Variants in SEC22A observed in about 807,000 individuals in gnomAD.
SEC22A encodes SEC22 homolog A, vesicle trafficking protein.
In SEC22A, 22 loss-of-function variants were observed where a neutral mutation model predicts 35.3. The ratio of observed to expected loss-of-function variants is 0.62; its 90% CI spans 0.45 to 0.89. The LOEUF is 0.89. SEC22A is among the 40% of genes least tolerant of loss of function. The pLI, the probability that SEC22A is intolerant of heterozygous loss-of-function variation, is 0.00. For synonymous variants in SEC22A, 119 were observed against 129.5 expected (o/e 0.92, Z 0.55); for missense variants, 354 against 362.5 (o/e 0.98, Z 0.19).
intron 4 of SEC22A, among the ~76,000 whole-genome samples, chr3:123,236,626 T>A (rs957473919): frequency 6.6e-6 from 1 of 152,180 alleles, no homozygotes; most frequent in African/African-American, 2.4e-5. Flanking sequence ...GTGAGGTGAT[T>A]CCACTGTGCT....
At chr3:123,235,119 G>A (rs577619984) in intron 4 of SEC22A, among the ~76,000 whole-genome samples, 5 of 151,920 alleles carry the variant, frequency 3.3e-5, no homozygotes, top group East Asian at 1.9e-4. Flanking sequence ...TCTCGCACTC[G>A]TCGGCTCAAA....
chr3:123,263,119 A>G (rs950521802), intron 6 of SEC22A, among the ~76,000 whole-genome samples: 9 of 152,230 alleles, frequency 5.9e-5, no homozygotes, highest in Non-Finnish European at 1.3e-4. Flanking sequence ...CTCCATTTCT[A>G]TAATTTTCTC....
intron 5 of SEC22A, among the ~76,000 whole-genome samples, chr3:123,248,209 T>C (rs1305931152): frequency 6.6e-6 from 1 of 152,108 alleles, no homozygotes; most frequent in Non-Finnish European, 1.5e-5. Flanking sequence ...TTCTAATTGA[T>C]GCAATAAGAT....
At chr3:123,218,396 AG>A in intron 2 of SEC22A, among the ~76,000 whole-genome samples, 1 of 152,264 alleles carries the variant, frequency 6.6e-6, no homozygotes, top group Non-Finnish European at 1.5e-5. Flanking sequence ...AGAGCAAAGT[AG>A]GAAAAAACCT....
chr3:123,233,654 CA>C (rs34046685), intron 4 of SEC22A, among the ~76,000 whole-genome samples: 1 of 149,732 alleles, frequency 6.7e-6, no homozygotes, highest in Non-Finnish European at 1.5e-5. Flanking sequence ...AACAAACAAA[CA>C]AAAAAAAACA....
At position 123,271,726 on chromosome 3, in the gene SEC22A, C is replaced by T. The variant is rs1938168709; in HGVS notation, c.*4C>T. ...GGCTCCCGATTATGATGTCTGACAC[C>T]ATCCTTCAGATCTATTGCCTTGGCT... On this transcript the variant is annotated 3_prime_UTR_variant, in exon 7 of 7. Coordinates refer to ENST00000492595, the MANE Select transcript of SEC22A (RefSeq NM_012430.5). 3.1e-6 allele frequency: 5 copies of T among 1,612,734 alleles called. No individual in the cohort carries two copies. Among genetic ancestry groups the T allele is most frequent in the Non-Finnish European group, 3.4e-6 (4 of 1,178,810 alleles).
At chr3:123,250,087 C>T (rs1034573914) in intron 5 of SEC22A, among the ~76,000 whole-genome samples, 7 of 152,014 alleles carry the variant, frequency 4.6e-5, no homozygotes, top group Non-Finnish European at 7.4e-5. Context: ...TTTAAAAATC[C>T]ATCATTAAAA....
At chr3:123,228,708 A>G (rs1449426398) in intron 4 of SEC22A, among the ~76,000 whole-genome samples, 2 of 152,114 alleles carry the variant, frequency 1.3e-5, no homozygotes, top group African/African-American at 2.4e-5. Context: ...AGAGGCTTCA[A>G]AGTAGTCATT....
rs1323037867 is a variant in SEC22A, at chr3:123,203,722, G to A, written c.-20+1736G>A. Among the ~76,000 whole-genome samples the A allele has an allele frequency of 1.3e-5, 2 of 152,208 alleles. 1 individual carries two copies. Among genetic ancestry groups the A allele is most frequent in the South Asian group, 4.2e-4 (2 of 4,816 alleles). On this transcript the variant is annotated intron_variant, in intron 1 of 6. Coordinates refer to ENST00000492595, the MANE Select transcript of SEC22A (RefSeq NM_012430.5). The stretch of plus-strand genomic sequence containing the variant: ...TGTAGAGATACTAGAAACTTAGACC[G>A]AAGTACCAGTTCTGCTATATACTAG...
intron 5 of SEC22A, among the ~76,000 whole-genome samples, chr3:123,258,085 T>C (rs1459413395): frequency 6.6e-6 from 1 of 151,762 alleles, no homozygotes; most frequent in African/African-American, 2.4e-5. Context: ...TAGTATCCAA[T>C]TGTAGGACAA....
At chr3:123,232,125 A>C (rs1056624756) in intron 4 of SEC22A, among the ~76,000 whole-genome samples, 1 of 152,136 alleles carries the variant, frequency 6.6e-6, no homozygotes, top group Admixed American at 6.6e-5. Flanking sequence ...CTGTAATCCG[A>C]GCTGCTCAGG....
intron 4 of SEC22A, among the ~76,000 whole-genome samples, chr3:123,236,570 A>G (rs557961201): frequency 6.6e-6 from 1 of 152,262 alleles, no homozygotes; most frequent in Admixed American, 6.5e-5. Context: ...CACCCTAGGA[A>G]TATGGGTGAA....
intron 5 of SEC22A, among the ~76,000 whole-genome samples, chr3:123,254,207 A>G (rs996561932): frequency 6.6e-6 from 1 of 151,914 alleles, no homozygotes; most frequent in Non-Finnish European, 1.5e-5. Flanking sequence ...TTTCTTAAAG[A>G]GACAGGGTCT....
At chr3:123,206,609 AAG>A (rs1380747962) in intron 1 of SEC22A, among the ~76,000 whole-genome samples, 3 of 152,182 alleles carry the variant, frequency 2.0e-5, no homozygotes, top group African/African-American at 7.2e-5. Flanking sequence ...AAAAAAATTA[AAG>A]AGGGGTTTAT....
intron 6 of SEC22A, among the ~76,000 whole-genome samples, chr3:123,264,697 C>T (rs1456466106): frequency 1.3e-5 from 2 of 150,378 alleles, no homozygotes; most frequent in South Asian, 2.1e-4. Flanking sequence ...GTCATGATCT[C>T]GGCTCACTGC....
At chr3:123,234,606 TAATTAA>T (rs1314240762) in intron 4 of SEC22A, among the ~76,000 whole-genome samples, 4 of 150,726 alleles carry the variant, frequency 2.7e-5, no homozygotes, top group Non-Finnish European at 5.9e-5. Flanking sequence ...ATATATAAAT[TAATTAA>T]AATGTATCAA....
chr3:123,224,104 A>G (rs1002448110), intron 3 of SEC22A, among the ~76,000 whole-genome samples: 3 of 152,208 alleles, frequency 2.0e-5, no homozygotes, highest in Non-Finnish European at 2.9e-5. Flanking sequence ...TAAGGATCAT[A>G]TAGTCCCTGT....
intron 4 of SEC22A, among the ~76,000 whole-genome samples, chr3:123,228,561 G>A (rs1366898147): frequency 7.0e-6 from 1 of 143,588 alleles, no homozygotes; most frequent in Non-Finnish European, 1.5e-5. Context: ...GGCAACGAGA[G>A]CGAAAACTCC....
intron 4 of SEC22A, among the ~76,000 whole-genome samples, chr3:123,228,825 AAC>A (rs756260844): frequency 1.3e-5 from 2 of 152,154 alleles, no homozygotes; most frequent in African/African-American, 2.4e-5. Context: ...ATTTTTAAAA[AAC>A]ACAGTGGAAA....
Sources: allele counts gnomAD v4.1 joint callset (sites outside exome capture counted in the v4.1 genomes callset), GRCh38; gene constraint gnomAD v4.1.1; transcripts MANE v1.5; gene names NCBI Gene and HGNC (gene_info 2026-07-23, HGNC 2026-07-21).